Variants in NR6A1 observed in about 807,000 individuals in gnomAD.
NR6A1 encodes retinoic acid receptor-related testis-associated receptor.
NR6A1 carries 7 observed loss-of-function variants against 59.1 expected under a neutral mutation model. That is an observed-to-expected ratio of 0.12 (90% confidence interval 0.07 to 0.22). The LOEUF is 0.22. NR6A1 is among the 10% of genes least tolerant of loss of function. The pLI is 1.00. For missense variants in NR6A1, 468 were observed against 611.6 expected (o/e 0.77, Z 2.48); for synonymous variants, 243 against 236.1 (o/e 1.03, Z -0.27).
intron 2 of NR6A1, among the ~76,000 whole-genome samples, chr9:124,575,676 T>C (rs529141330): frequency 2.0e-5 from 3 of 152,364 alleles, no homozygotes; most frequent in East Asian, 3.8e-4. Context: ...AGTCTCTCCA[T>C]GCCTCAGTTC....
At chr9:124,589,991 A>G (rs10760368) in intron 2 of NR6A1, among the ~76,000 whole-genome samples, 86,176 of 146,686 alleles carry the variant, frequency 0.59, 25,804 homozygotes, top group African/African-American at 0.75. Flanking sequence ...CTTGAGCCCA[A>G]GAGATGGAGG....
intron 2 of NR6A1, among the ~76,000 whole-genome samples, chr9:124,664,481 C>T (rs1837544060): frequency 6.6e-6 from 1 of 152,186 alleles, no homozygotes; most frequent in South Asian, 2.1e-4. Context: ...GAACAGACAG[C>T]ACTTAAAGGT....
intron 1 of NR6A1, among the ~76,000 whole-genome samples, chr9:124,751,947 T>C (rs1217683957): frequency 6.6e-6 from 1 of 152,240 alleles, no homozygotes; most frequent in Non-Finnish European, 1.5e-5. Context: ...CCTCCTTTTG[T>C]ATTTGAAGAA....
At chr9:124,595,638 C>CA (rs920990780) in intron 2 of NR6A1, 95 of 480,426 alleles carry the variant, frequency 2.0e-4, no homozygotes, top group Middle Eastern at 3.3e-4. Context: ...TGCGAAGACA[C>CA]AAAAAAAACA....
intron 2 of NR6A1, among the ~76,000 whole-genome samples, chr9:124,591,628 C>T (rs1302473335): frequency 6.6e-6 from 1 of 152,188 alleles, no homozygotes. Context: ...GGCTCACCAG[C>T]CGGTTGACTC....
intron 2 of NR6A1, among the ~76,000 whole-genome samples, chr9:124,726,845 CCAA>C (rs1298491224): frequency 3.9e-5 from 6 of 152,180 alleles, no homozygotes; most frequent in Admixed American, 3.3e-4. Context: ...TCGTAACACA[CCAA>C]CAAGTGTTAA....
intron 2 of NR6A1, among the ~76,000 whole-genome samples, chr9:124,699,949 C>G (rs907140492): frequency 1.3e-5 from 2 of 152,126 alleles, no homozygotes; most frequent in African/African-American, 4.8e-5. Context: ...CTCTACCTCC[C>G]GGGTTCAAGT....
chr9:124,730,906 C>G (rs183724992), intron 2 of NR6A1, among the ~76,000 whole-genome samples: 2 of 152,130 alleles, frequency 1.3e-5, no homozygotes, highest in African/African-American at 4.8e-5. Flanking sequence ...AGAACAAGAG[C>G]TATACTTATT....
In NR6A1 at chr9:124,520,446, A is replaced by G. The variant is rs1203190648; in HGVS notation, c.*2259T>C. 1.3e-5 allele frequency: 2 copies of G among 152,116 alleles called. No individual in the cohort carries two copies. The highest frequency in any genetic ancestry group is 4.8e-5 in the African/African-American group (2 of 41,394). The allele number at this position is 152,116 out of a possible 1,614,324, so 9.4% of individuals were successfully genotyped here. On this transcript the variant is annotated 3_prime_UTR_variant, in exon 10 of 10. Coordinates refer to ENST00000487099, the MANE Select transcript of NR6A1 (RefSeq NM_033334.4). ...TGGCAACTTGCAGAACCTTTCCCCT[A>G]CTCCACAAATTAACAACTTGCTCTG...
Position 124,584,140 on chromosome 9 carries a change from G to T in NR6A1, c.143-29570C>A, listed in dbSNP as rs562315202. Among the ~76,000 whole-genome samples the T allele has an allele frequency of 6.9e-5, 10 of 145,810 alleles. No individual in the cohort carries two copies. The East Asian group carries it at 2.0e-3, about 29-fold the overall frequency. ...AGACAGAGTCTCACTCTGTCACCCA[G>T]GCTGGAGTGCAGTGGGTGGCGCAAT... is the stretch of plus-strand genomic sequence containing the variant. On this transcript the variant is annotated intron_variant, in intron 2 of 9. Coordinates refer to ENST00000487099, the MANE Select transcript of NR6A1 (RefSeq NM_033334.4).
chr9:124,618,407 C>T (rs867380670), intron 2 of NR6A1, among the ~76,000 whole-genome samples: 21 of 152,106 alleles, frequency 1.4e-4, no homozygotes, highest in Middle Eastern at 3.4e-3. Flanking sequence ...CACTTGAACC[C>T]GGGAGGCGGA....
At chr9:124,748,577 T>A (rs1441266493) in intron 1 of NR6A1, among the ~76,000 whole-genome samples, 1 of 152,062 alleles carries the variant, frequency 6.6e-6, no homozygotes, top group Non-Finnish European at 1.5e-5. Context: ...GAACTTAACT[T>A]AAGCCGGGCG....
chr9:124,734,161 T>C (rs568847617), intron 1 of NR6A1, among the ~76,000 whole-genome samples: 1 of 152,358 alleles, frequency 6.6e-6, no homozygotes. Context: ...TCTTTCACCC[T>C]TGTCTCACAC....
chr9:124,543,784 C>T lies in NR6A1; in HGVS notation c.441+18G>A, dbSNP rs369437806. ...GGGCTTCCAGGACGGACCACAGAGA[C>T]TGAGGTCTAGAACTCACCTGGACTG... On this transcript the variant is annotated intron_variant, in intron 4 of 9. Transcript: ENST00000487099. 79 of 1,606,742 alleles carry T rather than the reference C, an allele frequency of 4.9e-5. No individual in the cohort carries two copies. The highest frequency in any genetic ancestry group is 6.1e-5 in the Non-Finnish European group (72 of 1,176,238).
At chr9:124,680,342 A>G (rs972103929) in intron 2 of NR6A1, among the ~76,000 whole-genome samples, 1 of 152,206 alleles carries the variant, frequency 6.6e-6, no homozygotes, top group African/African-American at 2.4e-5. Context: ...CAACCAGAAT[A>G]AAACCCACAT....
At chr9:124,581,758 G>T (rs948581584) in intron 2 of NR6A1, among the ~76,000 whole-genome samples, 1 of 152,110 alleles carries the variant, frequency 6.6e-6, no homozygotes, top group African/African-American at 2.4e-5. Context: ...TTGAAAAAGT[G>T]GGCCGAGGAT....
chr9:124,607,955 C>G lies in NR6A1; in HGVS notation c.143-53385G>C, dbSNP rs1031287809. 3.0e-4 allele frequency among the ~76,000 whole-genome samples: 46 copies of G among 151,908 alleles called. 1 individual carries two copies. Among genetic ancestry groups the G allele is most frequent in the Admixed American group, 2.8e-3 (42 of 15,252 alleles). ...GCCATGGTGGCAGACAACTGTAGTC[C>G]CAGTTACTTGGGAGGCTGAAGCATG... On this transcript the variant is annotated intron_variant, in intron 2 of 9. Coordinates refer to ENST00000487099, the MANE Select transcript of NR6A1 (RefSeq NM_033334.4).
rs547943425 is a variant in NR6A1 at position 124,689,694 on chromosome 9, A to G, written c.142+43614T>C. Among the ~76,000 whole-genome samples, 91 of 152,326 alleles carry G rather than the reference A, an allele frequency of 6.0e-4. 1 individual carries two copies. The South Asian group carries it at 0.018, about 31-fold the overall frequency. ...CCATTACCTAAACATTTCTGCCTCT[A>G]AGATTTCCTGTACATGGTTTTCCAT... On this transcript the variant is annotated intron_variant, in intron 2 of 9. Coordinates refer to ENST00000487099, the MANE Select transcript of NR6A1 (RefSeq NM_033334.4).
At chr9:124,706,748 C>A (rs1839145341) in intron 2 of NR6A1, among the ~76,000 whole-genome samples, 1 of 151,946 alleles carries the variant, frequency 6.6e-6, no homozygotes, top group Non-Finnish European at 1.5e-5. Flanking sequence ...AATCTCCCGA[C>A]CTCGTGATCC....
Sources: gnomAD v4.1 joint callset for allele counts (sites outside exome capture counted in the v4.1 genomes callset) on GRCh38, gnomAD v4.1.1 for gene constraint, MANE v1.5 for transcripts, NCBI Gene and HGNC (gene_info 2026-07-23, HGNC 2026-07-21) for gene names.